The following SLC16A10 variants were observed in gnomAD, a reference collection of about 807,000 sequenced individuals.
The protein encoded by SLC16A10 is solute carrier family 16 member 10, also known as monocarboxylate transporter 10.
Under a neutral mutation model 40.0 loss-of-function variants are expected in SLC16A10, and 27 were observed. The observed-to-expected ratio is 0.67, with a 90% confidence interval of 0.50 to 0.93. The LOEUF is 0.93. Ranked by LOEUF, SLC16A10 falls within the 40% of genes least tolerant of loss-of-function variation. The probability of loss-of-function intolerance (pLI) is 0.00; values close to 1 mark genes in which losing one functional copy is unlikely to be tolerated. For synonymous variants in SLC16A10, 213 were observed against 249.8 expected (o/e 0.85, Z 1.39); for missense variants, 529 against 658.2 (o/e 0.80, Z 2.15).
At chr6:111,125,364 G>A (rs1020836239) in intron 1 of SLC16A10, among the ~76,000 whole-genome samples, 3 of 152,140 alleles carry the variant, frequency 2.0e-5, no homozygotes, top group African/African-American at 7.2e-5. Context: ...GCATATGGGC[G>A]TGGAGTGGTT....
At chr6:111,206,562 C>A in intron 3 of SLC16A10, 30 bp from the exon 4 acceptor site, 1 of 1,613,040 alleles carries the variant, frequency 6.2e-7, no homozygotes, top group South Asian at 1.1e-5. Flanking sequence ...CTACCATATT[C>A]AGTGTGGTTT....
chr6:111,107,705 C>T (rs1200339713), intron 1 of SLC16A10, among the ~76,000 whole-genome samples: 1 of 152,126 alleles, frequency 6.6e-6, no homozygotes, highest in Non-Finnish European at 1.5e-5. Flanking sequence ...ACAACCAAAG[C>T]AATGGCTACC....
At chr6:111,134,751 T>C (rs1771847143) in intron 1 of SLC16A10, among the ~76,000 whole-genome samples, 2 of 152,130 alleles carry the variant, frequency 1.3e-5, no homozygotes, top group Admixed American at 1.3e-4. Context: ...ATCAAGGGAA[T>C]CACTGTAAGG....
intron 1 of SLC16A10, among the ~76,000 whole-genome samples, chr6:111,114,599 T>C (rs190914098): frequency 6.6e-6 from 1 of 152,324 alleles, no homozygotes; most frequent in East Asian, 1.9e-4. Flanking sequence ...ATGTATTTTA[T>C]TGAAGCATAG....
chr6:111,168,392 T>G (rs1167823184), intron 1 of SLC16A10, among the ~76,000 whole-genome samples: 2 of 152,218 alleles, frequency 1.3e-5, no homozygotes, highest in Non-Finnish European at 2.9e-5. Context: ...TATAGAATTT[T>G]GGGGATTAAA....
rs114510825 is a variant in SLC16A10, at chr6:111,209,635, T to G, written c.1086+2900T>G. Among the ~76,000 whole-genome samples, 826 of 152,034 alleles carry G rather than the reference T, an allele frequency of 5.4e-3. 8 individuals are homozygous for G. The highest frequency in any genetic ancestry group is 0.019 in the African/African-American group (801 of 41,448). The stretch of plus-strand genomic sequence containing the variant: ...AGAGGCCTGTGGGTTAGGAAGCCTG[T>G]GGGTTTGGCATTCATGGGCTGCATG... On this transcript the variant is annotated intron_variant, in intron 4 of 5. Coordinates refer to ENST00000368851, the MANE Select transcript of SLC16A10 (RefSeq NM_018593.5).
At chr6:111,155,656 G>A (rs1772257761) in intron 1 of SLC16A10, among the ~76,000 whole-genome samples, 1 of 152,176 alleles carries the variant, frequency 6.6e-6, no homozygotes, top group Non-Finnish European at 1.5e-5. Context: ...CAAGGAAGGA[G>A]TTAGAATAAC....
chr6:111,148,214 A>G (rs1462442135), intron 1 of SLC16A10, among the ~76,000 whole-genome samples: 1 of 152,024 alleles, frequency 6.6e-6, no homozygotes, highest in African/African-American at 2.4e-5. Context: ...CATCTATCTC[A>G]ATTTTTCCTA....
chr6:111,176,488 T>G (rs1772686756), intron 2 of SLC16A10, among the ~76,000 whole-genome samples: 1 of 152,276 alleles, frequency 6.6e-6, no homozygotes. Context: ...TCCATTATTC[T>G]TTTGACACAT....
rs780544018 is a variant in SLC16A10 at position 111,222,248 on chromosome 6, C to A, written c.*13C>A. On this transcript the variant is annotated 3_prime_UTR_variant, in exon 6 of 6. Coordinates refer to ENST00000368851, the MANE Select transcript of SLC16A10 (RefSeq NM_018593.5). ...CTCTATTATTTAATATCTTACATAC[C>A]TCCACCAGACTGGACTTGCTTTTTG... 15 of 1,575,090 alleles carry A rather than the reference C, an allele frequency of 9.5e-6. No homozygotes were observed. In the South Asian group the frequency reaches 1.7e-4, roughly 18 times the overall value.
intron 1 of SLC16A10, among the ~76,000 whole-genome samples, chr6:111,131,826 C>T (rs1236148490): frequency 6.6e-6 from 1 of 152,232 alleles, no homozygotes; most frequent in Non-Finnish European, 1.5e-5. Context: ...GAAGTCTCTA[C>T]TCAACAGTCA....
Position 111,222,171 on chromosome 6 carries a change from A to C in SLC16A10, c.1484A>C (p.Asn495Thr), listed in dbSNP as rs1346775482. Residue 495 changes from asparagine (N) to threonine (T), a missense_variant, in exon 6 of 6, where the codon AAC becomes ACC. By Grantham distance (65) the Asn-to-Thr change is moderately conservative. Transcript: ENST00000368851. The stretch of plus-strand genomic sequence containing the variant: ...GAAAAGATGGAGAAAATGTTGGAAA[A>C]CCAGAACTCTCTGCTGTCAAGTTCA... ...GKEKMEKMLE[N>T]QNSLLSSSSG... The C allele has an allele frequency of 3.1e-6, 5 of 1,607,124 alleles. No individual in the cohort carries two copies. The highest frequency in any genetic ancestry group is 1.7e-5 in the Admixed American group (1 of 57,614).
At position 111,104,707 on chromosome 6, in the gene SLC16A10, G is replaced by A. The variant is rs566839246; in HGVS notation, c.343+16612G>A. ...TCTCAGAGTGACGCTGAGTCCAGTG[G>A]TGGGGCTTTGGAAAGAACATGTATC... On this transcript the variant is annotated intron_variant, in intron 1 of 5. Transcript: ENST00000368851. Among the ~76,000 whole-genome samples the A allele has an allele frequency of 4.0e-4, 61 of 152,272 alleles. 1 individual carries two copies. Among genetic ancestry groups the A allele is most frequent in the African/African-American group, 1.4e-3 (58 of 41,546 alleles).
chr6:111,198,328 A>G (rs1260170619), intron 3 of SLC16A10, among the ~76,000 whole-genome samples: 1 of 152,194 alleles, frequency 6.6e-6, no homozygotes, highest in Non-Finnish European at 1.5e-5. Context: ...ATTTAATATC[A>G]TTTCAACTAG....
intron 1 of SLC16A10, among the ~76,000 whole-genome samples, chr6:111,133,447 A>T (rs958478964): frequency 3.3e-5 from 5 of 152,164 alleles, no homozygotes; most frequent in Non-Finnish European, 7.3e-5. Flanking sequence ...TGACTCTCAG[A>T]TGCTAAGAAA....
At chr6:111,150,684 A>G (rs1772157691) in intron 1 of SLC16A10, among the ~76,000 whole-genome samples, 1 of 152,164 alleles carries the variant, frequency 6.6e-6, no homozygotes, top group Non-Finnish European at 1.5e-5. Flanking sequence ...CTGATTGAGC[A>G]TGCTCAGTTC....
rs1365763356 is a variant in SLC16A10 at position 111,222,598 on chromosome 6, A to G, written c.*363A>G. 1.0e-5 allele frequency: 2 copies of G among 198,202 alleles called. No homozygotes were observed. The highest frequency in any genetic ancestry group is 4.8e-5 in the African/African-American group (2 of 41,792). The allele number at this position is 198,202 out of a possible 1,614,324, so 12.3% of individuals were successfully genotyped here. ...AGGGTTGCAGTTTGGTTAGGAGTGG[A>G]AATATTTTGTTTGTTAATGATGTCT... On this transcript the variant is annotated 3_prime_UTR_variant, in exon 6 of 6. Transcript: ENST00000368851.
rs1451632562 is a variant in SLC16A10 at position 111,092,309 on chromosome 6, TTTG to T, written c.343+4220_343+4222del. Among the ~76,000 whole-genome samples, 1,358 of 139,996 alleles carry T rather than the reference TTTG, an allele frequency of 9.7e-3. 1 individual carries two copies. Among genetic ancestry groups the T allele is most frequent in the African/African-American group, 0.019 (664 of 35,252 alleles). The allele number at this position is 139,996 out of a possible 152,430, so 91.8% of individuals were successfully genotyped here. ...AAGCTAAGCTTGAGTTGTCTCTTTT[TTTG>T]TTGTTTTTTTTTTTTTTTTTTTTTT... On this transcript the variant is annotated intron_variant, in intron 1 of 5. Coordinates refer to ENST00000368851, the MANE Select transcript of SLC16A10 (RefSeq NM_018593.5).
At chr6:111,197,252 T>C (rs1773094371) in intron 3 of SLC16A10, among the ~76,000 whole-genome samples, 1 of 152,140 alleles carries the variant, frequency 6.6e-6, no homozygotes, top group Non-Finnish European at 1.5e-5. Context: ...GCCAACATCA[T>C]TAGCCTAAAT....
Sources: allele counts gnomAD v4.1 joint callset (sites outside exome capture counted in the v4.1 genomes callset), GRCh38; gene constraint gnomAD v4.1.1; transcripts MANE v1.5; gene names NCBI Gene and HGNC (gene_info 2026-07-23, HGNC 2026-07-21).